Variants in USP34 observed in about 807,000 individuals in gnomAD.
USP34 encodes ubiquitin specific peptidase 34.
USP34 carries 70 observed loss-of-function variants against 460.3 expected under a neutral mutation model. That is an observed-to-expected ratio of 0.15 (90% confidence interval 0.13 to 0.19). The LOEUF is 0.19. Ranked by LOEUF, USP34 falls within the 10% of genes least tolerant of loss-of-function variation. USP34 has a pLI of 1.00. For missense variants in USP34, 3,985 were observed against 4,236.2 expected (o/e 0.94, Z 1.65); for synonymous variants, 1,647 against 1,405.3 (o/e 1.17, Z -3.85).
chr2:61,369,923 A>C (rs1018275161), intron 10 of USP34, among the ~76,000 whole-genome samples: 2 of 151,114 alleles, frequency 1.3e-5, no homozygotes, highest in African/African-American at 4.9e-5. Flanking sequence ...AAGGAAAAAC[A>C]TGTAATATAT....
chr2:61,269,539 ACAATAATT>A (rs1689151997), intron 41 of USP34, among the ~76,000 whole-genome samples: 1 of 152,096 alleles, frequency 6.6e-6, no homozygotes, highest in African/African-American at 2.4e-5. Context: ...GTCTTTGAAA[ACAATAATT>A]CAATAATTTC....
At chr2:61,221,760 T>C (rs969459961) in intron 65 of USP34, 154 bp from the exon 66 acceptor site, 10 of 600,314 alleles carry the variant, frequency 1.7e-5, no homozygotes, top group African/African-American at 1.2e-4. Flanking sequence ...TGAACTACCA[T>C]AAAGCAGCAG....
chr2:61,387,215 C>A (rs1393057041), intron 5 of USP34, among the ~76,000 whole-genome samples: 2 of 152,012 alleles, frequency 1.3e-5, no homozygotes, highest in Non-Finnish European at 2.9e-5. Context: ...AATCAAAGCA[C>A]TTTGGGAGGC....
At chr2:61,254,883 T>C (rs141969891) in intron 48 of USP34, among the ~76,000 whole-genome samples, 80 of 152,326 alleles carry the variant, frequency 5.3e-4, no homozygotes, top group African/African-American at 1.9e-3. Flanking sequence ...GTTCTCAATT[T>C]TTTGCCGAGG....
chr2:61,453,146 C>T (rs1695334247), intron 1 of USP34, among the ~76,000 whole-genome samples: 1 of 152,066 alleles, frequency 6.6e-6, no homozygotes, highest in Non-Finnish European at 1.5e-5. Context: ...CACTGTGGCT[C>T]ATGCCTATAA....
chr2:61,289,942 T>C (rs936523302), intron 33 of USP34, among the ~76,000 whole-genome samples: 2 of 152,126 alleles, frequency 1.3e-5, no homozygotes, highest in East Asian at 3.8e-4. Context: ...GTCAGTATAA[T>C]GAAAAAGTAA....
At chr2:61,456,912 T>G (rs529708488) in intron 1 of USP34, among the ~76,000 whole-genome samples, 3 of 151,962 alleles carry the variant, frequency 2.0e-5, no homozygotes, top group African/African-American at 7.2e-5. Context: ...ACCTGGGACG[T>G]TGAGGCTGCA....
At chr2:61,396,638 A>G (rs1573000527) in intron 3 of USP34, among the ~76,000 whole-genome samples, 2 of 151,794 alleles carry the variant, frequency 1.3e-5, no homozygotes, top group East Asian at 1.9e-4. Context: ...ACAGGCGCCC[A>G]CCACCATGCC....
At chr2:61,278,802 AATCT>A (rs1411509275) in intron 39 of USP34, among the ~76,000 whole-genome samples, 1 of 152,096 alleles carries the variant, frequency 6.6e-6, no homozygotes, top group Non-Finnish European at 1.5e-5. Flanking sequence ...AAGTCATAGT[AATCT>A]ATTAAGACAC....
At chr2:61,379,471 G>A (rs921205963) in intron 7 of USP34, among the ~76,000 whole-genome samples, 3 of 152,126 alleles carry the variant, frequency 2.0e-5, no homozygotes, top group Non-Finnish European at 2.9e-5. Context: ...AGTAAGCCGA[G>A]ATCATGCCAT....
chr2:61,434,657 G>A (rs1694764128), intron 1 of USP34, among the ~76,000 whole-genome samples: 1 of 151,972 alleles, frequency 6.6e-6, no homozygotes, highest in South Asian at 2.1e-4. Context: ...TACAGATGAA[G>A]AAACTACATT....
At chr2:61,222,830 G>T (rs902700151) in intron 64 of USP34, 167 bp from the exon 65 acceptor site, 1 of 706,644 alleles carries the variant, frequency 1.4e-6, no homozygotes, top group Non-Finnish European at 2.4e-6. Context: ...CGAGTGGCTG[G>T]GACTACAGGC....
Position 61,208,947 on chromosome 2 carries a change from T to A in USP34, c.8871A>T (p.Glu2957Asp). Reference protein sequence around the residue: ...SAFRILLESDEDRLLVVFNRG... With the variant: ...SAFRILLESDDDRLLVVFNRG... ...GATTAAATACAACAAGAAGTCTGTC[T>A]TCATCAGATTCTAATAGTATTCTGA... The change falls in exon 70 of 80, where the codon GAA (glutamate) becomes GAT (aspartate). Residue 2957 changes from glutamate (E) to aspartate (D), a missense_variant. Physicochemically the swap from Glu to Asp is conservative, Grantham distance 45. Transcript: ENST00000398571. The A allele has an allele frequency of 3.8e-6, 6 of 1,596,446 alleles. No homozygotes were observed. The highest frequency in any genetic ancestry group is 5.1e-6 in the Non-Finnish European group (6 of 1,171,838).
intron 10 of USP34, among the ~76,000 whole-genome samples, chr2:61,356,211 G>GCACTTTTGGGTAATCCCA (rs1335592206): frequency 6.6e-6 from 1 of 151,386 alleles, no homozygotes; most frequent in Admixed American, 6.6e-5. Context: ...CTACAGGCCA[G>GCACTTTTGGGTAATCCCA]GCACAGTGGC....
At chr2:61,252,979 G>C (rs951405234) in intron 48 of USP34, among the ~76,000 whole-genome samples, 3 of 152,170 alleles carry the variant, frequency 2.0e-5, no homozygotes, top group African/African-American at 7.2e-5. Context: ...AGTTTAGAAT[G>C]CTTTGTCAGT....
In USP34 at chr2:61,370,270, T is replaced by G. The variant is rs748798894; in HGVS notation, c.1251+51A>C. On this transcript the variant is annotated intron_variant, in intron 10 of 79. Transcript: ENST00000398571. ...AGAATTTACCTCACAGAGAAGCACT[T>G]AGAACATATGATAAGCAAAGCACTC... The G allele has an allele frequency of 4.5e-6, 7 of 1,566,156 alleles. No individual in the cohort carries two copies. The South Asian group carries it at 8.0e-5, about 18-fold the overall frequency.
chr2:61,277,119 C>T (rs1689394896), intron 41 of USP34, among the ~76,000 whole-genome samples: 1 of 152,090 alleles, frequency 6.6e-6, no homozygotes, highest in East Asian at 1.9e-4. Context: ...AAATATGAAA[C>T]GAGTACCCAA....
intron 66 of USP34, 61 bp downstream of exon 66, chr2:61,221,441 A>G (rs745668892): frequency 2.5e-5 from 36 of 1,435,016 alleles, no homozygotes; most frequent in Non-Finnish European, 3.1e-5. Context: ...GGTAGTGACT[A>G]TATTATAAAA....
intron 2 of USP34, chr2:61,416,825 G>C (rs895335317): frequency 2.3e-5 from 9 of 390,416 alleles, no homozygotes; most frequent in African/African-American, 1.7e-4. Context: ...TTTTTTTGGG[G>C]GGGGGGACAG....
Sources: gnomAD v4.1 joint callset for allele counts (sites outside exome capture counted in the v4.1 genomes callset) on GRCh38, gnomAD v4.1.1 for gene constraint, MANE v1.5 for transcripts, NCBI Gene and HGNC (gene_info 2026-07-23, HGNC 2026-07-21) for gene names.